Variants in FGF7 observed in about 807,000 individuals in gnomAD.
FGF7 encodes fibroblast growth factor 7, also known as FGF-7.
A neutral mutation model predicts 20.5 loss-of-function variants in FGF7; 6 were observed. The ratio of observed to expected loss-of-function variants is 0.29; its 90% CI spans 0.16 to 0.58. The LOEUF (loss-of-function observed/expected upper bound fraction) is 0.58. FGF7 is among the 20% of genes least tolerant of loss of function. The probability of loss-of-function intolerance (pLI) is 0.90; values close to 1 mark genes in which losing one functional copy is unlikely to be tolerated. For synonymous variants in FGF7, 64 were observed against 74.7 expected (o/e 0.86, Z 0.74); for missense variants, 144 against 228.8 (o/e 0.63, Z 2.39).
At chr15:49,432,032 T>C (rs2050667999) in intron 2 of FGF7, among the ~76,000 whole-genome samples, 2 of 151,918 alleles carry the variant, frequency 1.3e-5, no homozygotes, top group Middle Eastern at 3.4e-3. Flanking sequence ...AAAACTGTAA[T>C]AATCTTTGCT....
chr15:49,477,274 A>G (rs964316964), intron 2 of FGF7, among the ~76,000 whole-genome samples: 2 of 152,182 alleles, frequency 1.3e-5, no homozygotes, highest in African/African-American at 2.4e-5. Context: ...TGTATCCACT[A>G]TTACAGTATT....
In FGF7 at chr15:49,487,657, G is replaced by A. The variant is rs1357088494; in HGVS notation, c.*3153G>A. 2.6e-5 allele frequency: 4 copies of A among 151,962 alleles called. No individual in the cohort carries two copies. Among genetic ancestry groups the A allele is most frequent in the South Asian group, 4.2e-4 (2 of 4,814 alleles). The allele number at this position is 151,962 out of a possible 1,614,324, so 9.4% of individuals were successfully genotyped here. A position where few individuals can be genotyped will look rare whatever the true frequency, so the allele number is the denominator to read the frequency against. On this transcript the variant is annotated 3_prime_UTR_variant, in exon 4 of 4. Transcript: ENST00000267843. ...AAAACTCTAAAACAGTGCCCCTTAC[G>A]ATTTTCTACTGAAATTTCTCTAATA...
At chr15:49,426,108 T>C (rs1459314479) in intron 2 of FGF7, among the ~76,000 whole-genome samples, 1 of 151,654 alleles carries the variant, frequency 6.6e-6, no homozygotes, top group African/African-American at 2.4e-5. Context: ...AGGTAAAAAT[T>C]ATGACACATG....
At chr15:49,453,271 T>C (rs1013586719) in intron 2 of FGF7, among the ~76,000 whole-genome samples, 2 of 152,116 alleles carry the variant, frequency 1.3e-5, no homozygotes, top group Non-Finnish European at 2.9e-5. Flanking sequence ...ATTTTCATTA[T>C]TATTATTTTT....
intron 2 of FGF7, among the ~76,000 whole-genome samples, chr15:49,433,108 G>A (rs2050761918): frequency 6.6e-6 from 1 of 150,954 alleles, no homozygotes; most frequent in Admixed American, 6.6e-5. Flanking sequence ...AACATAATCT[G>A]ATGAAAGGAC....
chr15:49,475,407 A>C (rs1320809525), intron 2 of FGF7, among the ~76,000 whole-genome samples: 1 of 152,184 alleles, frequency 6.6e-6, no homozygotes, highest in Non-Finnish European at 1.5e-5. Context: ...TCCTTTGAAA[A>C]GATTTCAGAG....
At chr15:49,465,685 G>C (rs1198070151) in intron 2 of FGF7, among the ~76,000 whole-genome samples, 1 of 152,008 alleles carries the variant, frequency 6.6e-6, no homozygotes, top group Non-Finnish European at 1.5e-5. Context: ...CTGAGATAAA[G>C]TATTATTTAA....
At chr15:49,471,660 C>T (rs145415124) in intron 2 of FGF7, among the ~76,000 whole-genome samples, 3 of 151,812 alleles carry the variant, frequency 2.0e-5, no homozygotes, top group Non-Finnish European at 4.4e-5. Flanking sequence ...TCAAGAATGG[C>T]GAATCTGGTC....
chr15:49,453,403 C>T (rs925854213), intron 2 of FGF7, among the ~76,000 whole-genome samples: 1 of 152,060 alleles, frequency 6.6e-6, no homozygotes, highest in African/African-American at 2.4e-5. Context: ...CGTGCCTGGC[C>T]CAGTATAAAA....
chr15:49,457,448 C>A (rs2053413659), intron 2 of FGF7, among the ~76,000 whole-genome samples: 1 of 151,888 alleles, frequency 6.6e-6, no homozygotes, highest in African/African-American at 2.4e-5. Context: ...TTAACTAAAA[C>A]AGGAAAATCA....
chr15:49,443,522 G>A (rs1055295800), intron 2 of FGF7, among the ~76,000 whole-genome samples: 5 of 151,218 alleles, frequency 3.3e-5, no homozygotes, highest in Non-Finnish European at 5.9e-5. Context: ...TGTTAATAAT[G>A]TAGATTAAAC....
At chr15:49,474,067 A>G (rs1230782421) in intron 2 of FGF7, among the ~76,000 whole-genome samples, 2 of 152,180 alleles carry the variant, frequency 1.3e-5, no homozygotes, top group Non-Finnish European at 2.9e-5. Context: ...ACTTTTTATT[A>G]TATTCAAACT....
Position 49,441,247 on chromosome 15 carries a change from T to TA in FGF7, c.286+16665dup, listed in dbSNP as rs1320149459. On this transcript the variant is annotated intron_variant, in intron 2 of 3. Coordinates refer to ENST00000267843, the MANE Select transcript of FGF7 (RefSeq NM_002009.4). ...CAATGTTGCCTGGGTGCCCACAACT[T>TA]AGATTTTCAAATTAAACACTCAATT... 7.2e-5 allele frequency among the ~76,000 whole-genome samples: 11 copies of TA among 151,764 alleles called. No homozygotes were observed. The East Asian group carries it at 2.1e-3, about 30-fold the overall frequency.
chr15:49,426,468 T>C (rs944700799), intron 2 of FGF7, among the ~76,000 whole-genome samples: 10 of 151,934 alleles, frequency 6.6e-5, no homozygotes, highest in Non-Finnish European at 1.2e-4. Flanking sequence ...AAAAAGTAGA[T>C]GTAAAATCCA....
intron 2 of FGF7, among the ~76,000 whole-genome samples, chr15:49,462,330 A>G (rs932993376): frequency 6.6e-6 from 1 of 152,226 alleles, no homozygotes; most frequent in Non-Finnish European, 1.5e-5. Flanking sequence ...CAAGATAAAT[A>G]GTAAGCTCCT....
chr15:49,460,976 C>T (rs1194797865), intron 2 of FGF7, among the ~76,000 whole-genome samples: 1 of 152,200 alleles, frequency 6.6e-6, no homozygotes, highest in African/African-American at 2.4e-5. Flanking sequence ...TAGCTGGCAT[C>T]CATGTAGACC....
In FGF7 at chr15:49,476,769, G is replaced by A. The variant is rs994636821; in HGVS notation, c.287-6382G>A. On this transcript the variant is annotated intron_variant, in intron 2 of 3. Transcript: ENST00000267843. ...CACTTTTAGATTTACAAAAAAAATT[G>A]AGCAGATAGGCCAGGCGTGGTGGCT... 2.0e-5 allele frequency among the ~76,000 whole-genome samples: 3 copies of A among 152,068 alleles called. 1 individual carries two copies. The highest frequency in any genetic ancestry group is 7.2e-5 in the African/African-American group (3 of 41,406).
At chr15:49,453,531 C>A (rs1325406349) in intron 2 of FGF7, among the ~76,000 whole-genome samples, 1 of 152,180 alleles carries the variant, frequency 6.6e-6, no homozygotes, top group Non-Finnish European at 1.5e-5. Flanking sequence ...GGTTCAGTAG[C>A]CACATGTGGC....
chr15:49,451,360 ATT>A (rs2052721027), intron 2 of FGF7, among the ~76,000 whole-genome samples: 1 of 151,992 alleles, frequency 6.6e-6, no homozygotes, highest in African/African-American at 2.4e-5. Flanking sequence ...ATGATAAAGT[ATT>A]TTTTCTTCTG....
Sources: gnomAD v4.1 joint callset for allele counts (sites outside exome capture counted in the v4.1 genomes callset) on GRCh38, gnomAD v4.1.1 for gene constraint, MANE v1.5 for transcripts, NCBI Gene and HGNC (gene_info 2026-07-23, HGNC 2026-07-21) for gene names.